Variants in COL6A5 observed in about 807,000 individuals in gnomAD.
COL6A5 encodes collagen alpha-5(VI) chain.
In COL6A5, 48 loss-of-function variants were observed where a neutral mutation model predicts 65.6. The observed-to-expected ratio is 0.73, with a 90% confidence interval of 0.58 to 0.93. COL6A5 has a LOEUF of 0.93. Ranked by LOEUF, COL6A5 falls within the 40% of genes least tolerant of loss-of-function variation. The probability of loss-of-function intolerance (pLI) is 0.00; values close to 1 mark genes in which losing one functional copy is unlikely to be tolerated. For missense variants in COL6A5, 914 were observed against 928.3 expected, an observed-to-expected ratio of 0.98 and a Z score of 0.20; for synonymous variants, 291 against 322.8, an observed-to-expected ratio of 0.90 and a Z score of 1.05.
At chr3:130,354,667 G>A (rs904040304) in intron 1 of COL6A5, among the ~76,000 whole-genome samples, 5 of 152,194 alleles carry the variant, frequency 3.3e-5, no homozygotes, top group Non-Finnish European at 7.4e-5. Context: ...ACTACTTGAA[G>A]AGTCATCTAG....
At chr3:130,482,847 G>C (rs1710284172) in intron 7 of COL6A5, among the ~76,000 whole-genome samples, 1 of 152,050 alleles carries the variant, frequency 6.6e-6, no homozygotes, top group Non-Finnish European at 1.5e-5. Context: ...CTCTCTGCTT[G>C]CCTATTGTTG....
chr3:130,419,421 A>G (rs1366814235), intron 25 of COL6A5, among the ~76,000 whole-genome samples: 2 of 152,200 alleles, frequency 1.3e-5, no homozygotes, highest in African/African-American at 4.8e-5. Context: ...TTAAAAAATT[A>G]ATGTTTATTA....
chr3:130,400,589 G>A (rs1167362919), intron 10 of COL6A5, among the ~76,000 whole-genome samples: 1 of 152,146 alleles, frequency 6.6e-6, no homozygotes, highest in African/African-American at 2.4e-5. Context: ...TGGCCTCCCA[G>A]GGGTGTTTGG....
At chr3:130,475,453 ACTT>A (rs772679049) in intron 7 of COL6A5, among the ~76,000 whole-genome samples, 34 of 152,146 alleles carry the variant, frequency 2.2e-4, no homozygotes, top group Admixed American at 5.2e-4. Flanking sequence ...CAGTGGAACA[ACTT>A]CTTTTTTTTC....
intron 2 of COL6A5, 98 bp downstream of exon 2, chr3:130,373,803 A>G (rs1935653743): frequency 1.3e-6 from 1 of 786,208 alleles, no homozygotes; most frequent in South Asian, 1.7e-5. Context: ...ACTAAAAATC[A>G]AAGTATGCAG....
At chr3:130,471,608 C>A in intron 7 of COL6A5, 74 bp from the exon 40 acceptor site, 1 of 1,310,698 alleles carries the variant, frequency 7.6e-7, no homozygotes, top group Non-Finnish European at 1.0e-6. Flanking sequence ...CTTATATTAT[C>A]TGGTGGTATT....
At chr3:130,473,929 T>A (rs986784281) in intron 7 of COL6A5, among the ~76,000 whole-genome samples, 3 of 152,122 alleles carry the variant, frequency 2.0e-5, no homozygotes, top group African/African-American at 7.2e-5. Context: ...TAAGTTTTCA[T>A]TTCTGTGTTT....
intron 4 of COL6A5, 32 bp downstream of exon 4, chr3:130,380,082 A>G (rs544127793): frequency 7.1e-7 from 1 of 1,404,580 alleles, no homozygotes; most frequent in South Asian, 1.5e-5. Context: ...TCTAATTATA[A>G]AATTAATATA....
Position 130,395,459 on chromosome 3 carries a change from A to T in COL6A5, c.3562A>T (p.Lys1188Ter), listed in dbSNP as rs1377863394. 2.0e-6 allele frequency: 3 copies of T among 1,537,874 alleles called. No individual in the cohort carries two copies. In the African/African-American group the frequency reaches 4.2e-5, roughly 21 times the overall value. ...CCGTGAAATCTGCCAGAGCTGTGGGAAAACCAGTAAGTGCTTCTTGTTTGG... is the reference window on the plus strand; with the variant it reads ...CCGTGAAATCTGCCAGAGCTGTGGGTAAACCAGTAAGTGCTTCTTGTTTGG... Residue 1188 changes from lysine (K) to a stop codon, truncating the protein, a stop_gained and NMD_transcript_variant, in exon 8 of 42, where the codon AAA becomes TAA. Coordinates refer to the COL6A5 transcript ENST00000312481.
At chr3:130,440,196 A>G (rs1709140913) in exon 3 of COL6A5, 1 of 1,612,276 alleles carries the variant, frequency 6.2e-7, no homozygotes, top group Middle Eastern at 1.7e-4. Flanking sequence ...TGCATTCGAG[A>G]GGCTTTCTTA....
chr3:130,483,261 G>A (rs369003623), intron 7 of COL6A5, among the ~76,000 whole-genome samples: 5 of 152,180 alleles, frequency 3.3e-5, no homozygotes, highest in East Asian at 3.9e-4. Context: ...AGTACCAGCC[G>A]CTGCAAAAAA....
chr3:130,390,176 G>A (rs112852950), intron 6 of COL6A5, among the ~76,000 whole-genome samples: 286 of 152,176 alleles, frequency 1.9e-3, no homozygotes, highest in African/African-American at 6.6e-3. Flanking sequence ...AACCTGCAAG[G>A]CTCTTCTTGG....
At position 130,455,678 on chromosome 3, in the gene COL6A5, A is replaced by T; in HGVS notation, c.1544+12A>T. On this transcript the variant is annotated intron_variant, in intron 5 of 7. Transcript: ENST00000512836. ...AAGTCTCACTTCTGGTAAGAAAATG[A>T]AAAGTCATGATGGAAATGTTTAAAT... The T allele has an allele frequency of 6.3e-7, 1 of 1,580,152 alleles. No individual in the cohort carries two copies. Among genetic ancestry groups the T allele is most frequent in the African/African-American group, 1.3e-5 (1 of 74,234 alleles).
At chr3:130,412,674 G>A (rs77577667) in intron 20 of COL6A5, among the ~76,000 whole-genome samples, 4,892 of 152,240 alleles carry the variant, frequency 0.032, 99 homozygotes, top group South Asian at 0.083. Context: ...CAGCTGAAAA[G>A]TTTCAATGGG....
chr3:130,405,485 C>T, intron 13 of COL6A5, 103 bp from the exon 14 acceptor site: 1 of 691,844 alleles, frequency 1.4e-6, no homozygotes, highest in Non-Finnish European at 2.5e-6. Context: ...TTTTCTAAAG[C>T]TCATAGTGCC....
At chr3:130,391,464 A>G (rs758629312) in exon 7 of COL6A5, 2 of 1,551,732 alleles carry the variant, frequency 1.3e-6, no homozygotes, top group Non-Finnish European at 1.7e-6. Context: ...AAGCACGCAA[A>G]TGCCCTGTTT....
At chr3:130,397,207 G>A (rs1936632582) in intron 8 of COL6A5, among the ~76,000 whole-genome samples, 1 of 152,090 alleles carries the variant, frequency 6.6e-6, no homozygotes, top group Admixed American at 6.5e-5. Context: ...ATCAAAATAT[G>A]TCACCATTAA....
At position 130,469,317 on chromosome 3, in the gene COL6A5, A is replaced by C. The variant is rs145581290; in HGVS notation, c.2069A>C (p.Tyr690Ser). 4,299 of 1,612,868 alleles carry C rather than the reference A, an allele frequency of 2.7e-3. 31 individuals carry two copies. The highest frequency in any genetic ancestry group is 0.012 in the South Asian group (1,101 of 91,030). The stretch of plus-strand genomic sequence containing the variant: ...TCTCTGAGAGCCAAGTGTCAAGGCT[A>C]CTCCATATTTGTGTTTTCCTTTGGC... The change falls in exon 6 of 8, where the codon TAC (tyrosine) becomes TCC (serine). Residue 690 changes from tyrosine to serine, a missense_variant. Coordinates refer to ENST00000512836, the Ensembl canonical transcript of COL6A5.
chr3:130,468,716 T>C (rs1386917012), intron 5 of COL6A5, 79 bp from the exon 38 acceptor site: 1 of 913,792 alleles, frequency 1.1e-6, no homozygotes, highest in African/African-American at 1.7e-5. Flanking sequence ...AACCTCATGC[T>C]GTGTATTTGC....
Sources: allele counts gnomAD v4.1 joint callset (sites outside exome capture counted in the v4.1 genomes callset), GRCh38; gene constraint gnomAD v4.1.1; transcripts MANE v1.5; gene names NCBI Gene and HGNC (gene_info 2026-07-23, HGNC 2026-07-21).